COL1A2: variants seen among roughly 807,000 people sequenced by gnomAD.
The protein encoded by COL1A2 is collagen alpha-2(I) chain.
In COL1A2, 49 loss-of-function variants were observed where a neutral mutation model predicts 174.3. The observed-to-expected ratio is 0.28, with a 90% CI of 0.22 to 0.36. COL1A2 has a LOEUF of 0.36. Ranked by LOEUF, COL1A2 falls within the 10% of genes least tolerant of loss-of-function variation. The pLI is 1.00. For missense variants in COL1A2, 1,438 were observed against 1,822.7 expected (o/e 0.79, Z 3.84); for synonymous variants, 655 against 606.6 (o/e 1.08, Z -1.17).
intron 30 of COL1A2, 60 bp downstream of exon 30, chr7:94,415,330 G>A: frequency 6.8e-7 from 1 of 1,469,054 alleles, no homozygotes; most frequent in Middle Eastern, 1.7e-4. Context: ...AAGTAGTAGT[G>A]CTTTCTCCTT....
rs748714040 is a variant in COL1A2 at position 94,430,305 on chromosome 7, G to A, written c.4013G>A (p.Arg1338His). 19 of 1,613,846 alleles carry A rather than the reference G, an allele frequency of 1.2e-5. No homozygotes were observed. The highest frequency in any genetic ancestry group is 2.2e-5 in the East Asian group (1 of 44,886). ...IIEYKTNKPSRLPFLDIAPLD... is the reference protein window; with the variant it reads ...IIEYKTNKPSHLPFLDIAPLD... Reference sequence around the variant, plus strand: ...GAATACAAAACAAATAAGCCATCACGCCTGCCCTTCCTTGATATTGCACCT... The same window carrying A: ...GAATACAAAACAAATAAGCCATCACACCTGCCCTTCCTTGATATTGCACCT... The change falls in exon 52 of 52, where the codon CGC becomes CAC. Residue 1338 changes from arginine to histidine, a missense_variant. Arg to His is a conservative substitution (Grantham distance 29, BLOSUM62 0). Around this residue, in one of 3 missense-constraint regions of COL1A2, gnomAD observed 290 missense variants for 298.1 expected, o/e 0.97. Transcript: ENST00000297268.
At chr7:94,408,907 G>C (rs1295479718) in intron 16 of COL1A2, 84 bp downstream of exon 16, 15 of 1,312,026 alleles carry the variant, frequency 1.1e-5, no homozygotes, top group Non-Finnish European at 1.3e-5. Flanking sequence ...TGCAGATAAA[G>C]AGATAATTAC....
Position 94,426,287 on chromosome 7 carries a change from C to T in COL1A2, c.2998-136C>T, listed in dbSNP as rs41317740. On this transcript the variant is annotated intron_variant, in intron 45 of 51. Coordinates refer to ENST00000297268, the MANE Select transcript of COL1A2 (RefSeq NM_000089.4). ...AGATAGCACAACTAAAGCAGATTAC[C>T]AGCAGAGGTGAGAGCCTAGCTAAAC... The T allele has an allele frequency of 1.0e-4, 93 of 892,902 alleles. No homozygotes were observed. In the African/African-American group the frequency reaches 1.4e-3, roughly 14 times the overall value. The allele number at this position is 892,902 out of a possible 1,614,324, so 55.3% of individuals were successfully genotyped here.
At position 94,420,282 on chromosome 7, in the gene COL1A2, G is replaced by T. The variant is rs1562905091; in HGVS notation, c.2129G>T (p.Ser710Ile). The T allele has an allele frequency of 6.2e-7, 1 of 1,613,924 alleles. No individual in the cohort carries two copies. Among genetic ancestry groups the T allele is most frequent in the Admixed American group, 1.7e-5 (1 of 60,024 alleles). The change falls in exon 35 of 52, where the codon AGC becomes ATC. Residue 710 changes from serine (S) to isoleucine (I), a missense_variant. Around this residue, in one of 3 missense-constraint regions of COL1A2, gnomAD observed 867 missense variants for 1,213.7 expected, o/e 0.71. Transcript: ENST00000297268. ...GPAGPAGPRG[S>I]PGERGEVGPA... is the part of the protein sequence containing the mutation. ...GCTGGTCCTGCTGGTCCTCGGGGAA[G>T]CCCTGTAAGTAAGAACCTGGGTCAT... is the stretch of plus-strand genomic sequence containing the variant.
chr7:94,430,499 G>A lies in COL1A2; in HGVS notation c.*106G>A. On this transcript the variant is annotated 3_prime_UTR_variant, in exon 52 of 52. Transcript: ENST00000297268. ...AAAGCTGAATCCTTCCATTTCTTCT[G>A]CACATCTACTTGCTTAAATTGTGGG... 8.4e-7 allele frequency: 1 copy of A among 1,185,884 alleles called. No homozygotes were observed. The highest frequency in any genetic ancestry group is 2.4e-5 in the East Asian group (1 of 42,036). 73.5% of individuals were successfully genotyped at this position (1,185,884 alleles called of 1,614,324 possible).
intron 16 of COL1A2, 47 bp from the exon 17 acceptor site, chr7:94,409,275 G>C: frequency 6.5e-7 from 1 of 1,527,044 alleles, no homozygotes. Context: ...CAGATATGCT[G>C]TTTCATTATT....
In COL1A2 at chr7:94,421,933, C is replaced by T; in HGVS notation, c.2384C>T (p.Thr795Ile). 1 of 1,614,158 alleles carries T rather than the reference C, an allele frequency of 6.2e-7. No individual in the cohort carries two copies. Among genetic ancestry groups the T allele is most frequent in the Non-Finnish European group, 8.5e-7 (1 of 1,180,022 alleles). The change falls in exon 39 of 52, where the codon ACT (threonine) becomes ATT (isoleucine). Residue 795 changes from threonine to isoleucine, a missense_variant. Physicochemically the swap from Thr to Ile is moderately conservative, Grantham distance 89. This residue lies in a region of COL1A2 where 867 missense variants were observed against 1,213.7 expected (regional missense o/e 0.71). Transcript: ENST00000297268. ...MTGFPGAAGR[T>I]GPPGPSGISG... ...GGTTTCCCTGGTGCTGCTGGACGGA[C>T]TGGTCCCCCAGGACCCTCTGTAAGT...
chr7:94,406,077 G>A (rs1363585900), intron 11 of COL1A2, among the ~76,000 whole-genome samples, 173 bp from the exon 12 acceptor site: 1 of 152,168 alleles, frequency 6.6e-6, no homozygotes, highest in East Asian at 1.9e-4. Flanking sequence ...AAAGTTAAGT[G>A]ACCTATCTAG....
chr7:94,412,581 C>T lies in COL1A2; in HGVS notation c.1405-3C>T, dbSNP rs1021622151. ...AGTAAACTTGAAATAACTCTGCTTT[C>T]AGGGCCTCCCTGGCATCGACGGCAG... is the stretch of plus-strand genomic sequence containing the variant. On this transcript the variant is annotated splice_polypyrimidine_tract_variant and splice_region_variant and intron_variant, in intron 24 of 51. Transcript: ENST00000297268. 1.2e-5 allele frequency: 19 copies of T among 1,612,844 alleles called. No homozygotes were observed. Among genetic ancestry groups the T allele is most frequent in the Non-Finnish European group, 1.5e-5 (18 of 1,179,180 alleles).
intron 51 of COL1A2, chr7:94,429,719 A>C (rs1042110730): frequency 1.8e-5 from 6 of 341,822 alleles, no homozygotes; most frequent in Admixed American, 4.6e-5. Context: ...TTTCTTTAGC[A>C]TGTTTTTTAA....
intron 11 of COL1A2, among the ~76,000 whole-genome samples, chr7:94,405,962 AT>A (rs1379451364): frequency 6.6e-6 from 1 of 152,188 alleles, no homozygotes; most frequent in Non-Finnish European, 1.5e-5. Context: ...TAGAACATGT[AT>A]TACTTATTGA....
At position 94,408,139 on chromosome 7, in the gene COL1A2, T is replaced by A. The variant is rs759912760; in HGVS notation, c.640-44T>A. ...AGCAAATGATGCCTGTGACTTTTTT[T>A]AAATTAGCATTCTGGATTTTATTGA... On this transcript the variant is annotated intron_variant, in intron 13 of 51. Transcript: ENST00000297268. The A allele has an allele frequency of 6.2e-6, 10 of 1,602,542 alleles. No homozygotes were observed. In the East Asian group the frequency reaches 6.7e-5, roughly 11 times the overall value.
At position 94,404,116 on chromosome 7, in the gene COL1A2, T is replaced by C. The variant is rs952930155; in HGVS notation, c.280-440T>C. 3.9e-5 allele frequency among the ~76,000 whole-genome samples: 6 copies of C among 152,218 alleles called. No individual in the cohort carries two copies. The South Asian group carries it at 1.0e-3, about 26-fold the overall frequency. ...AAGAAGGACTTTTGATTCTTTTCAA[T>C]TTATGTCCTTTGTGGCAATAAAAAT... On this transcript the variant is annotated intron_variant, in intron 6 of 51. Transcript: ENST00000297268.
intron 13 of COL1A2, 125 bp from the exon 14 acceptor site, chr7:94,408,058 T>C (rs1791838610): frequency 1.6e-6 from 2 of 1,244,106 alleles, no homozygotes; most frequent in Admixed American, 2.0e-5. Flanking sequence ...TAGTTGGAAT[T>C]AGAAGGCAAC....
chr7:94,404,414 T>G, intron 6 of COL1A2, 142 bp from the exon 7 acceptor site: 1 of 838,870 alleles, frequency 1.2e-6, no homozygotes, highest in Admixed American at 2.0e-5. Context: ...GAAGTTTGAG[T>G]CCTTAAATTC....
At position 94,404,574 on chromosome 7, in the gene COL1A2, G is replaced by A. The variant is rs1410254723; in HGVS notation, c.298G>A (p.Gly100Ser). The change falls in exon 7 of 52, where the codon GGC becomes AGC. Residue 100 changes from glycine (G) to serine (S), a missense_variant. Physicochemically the swap from Gly to Ser is moderately conservative, Grantham distance 56 (BLOSUM62 0). Around this residue, in one of 3 missense-constraint regions of COL1A2, gnomAD observed 281 missense variants for 310.9 expected, o/e 0.90. Transcript: ENST00000297268. ...PGPMGLMGPR[G>S]PPGAAGAPGP... is the part of the protein sequence containing the mutation. ...TTTACAGGGCTTAATGGGACCTAGA[G>A]GCCCACCTGGTGCAGCTGGAGCCCC... The A allele has an allele frequency of 1.2e-6, 2 of 1,613,520 alleles. No individual in the cohort carries two copies. Among genetic ancestry groups the A allele is most frequent in the African/African-American group, 1.3e-5 (1 of 74,910 alleles).
intron 49 of COL1A2, among the ~76,000 whole-genome samples, 182 bp from the exon 50 acceptor site, chr7:94,428,111 T>C (rs1792320668): frequency 6.6e-6 from 1 of 152,164 alleles, no homozygotes; most frequent in African/African-American, 2.4e-5. Context: ...ATTTGATTTT[T>C]CATGGAGGAG....
chr7:94,413,070 A>G lies in COL1A2; in HGVS notation c.1504-13A>G, dbSNP rs1298523043. On this transcript the variant is annotated splice_polypyrimidine_tract_variant and intron_variant, in intron 25 of 51. Transcript: ENST00000297268. ...AAAGCTGTTCTTTGTTTTGTTTTTCATTTTTACTCTAGGGTGATCCTGGCA... is the reference window on the plus strand; with the variant it reads ...AAAGCTGTTCTTTGTTTTGTTTTTCGTTTTTACTCTAGGGTGATCCTGGCA... 5.0e-6 allele frequency: 8 copies of G among 1,613,758 alleles called. No homozygotes were observed. Among genetic ancestry groups the G allele is most frequent in the South Asian group, 3.3e-5 (3 of 91,080 alleles).
chr7:94,421,321 C>A, intron 38 of COL1A2: 4 of 552,262 alleles, frequency 7.2e-6, no homozygotes, highest in Non-Finnish European at 9.7e-6. Flanking sequence ...AAAAAATATT[C>A]CTTTTGGCGT....
Sources: gnomAD v4.1 joint callset for allele counts (sites outside exome capture counted in the v4.1 genomes callset) on GRCh38, gnomAD v4.1.1 for gene constraint, gnomAD v4.1.1 regional missense constraint, MANE v1.5 for transcripts, NCBI Gene and HGNC (gene_info 2026-07-23, HGNC 2026-07-21) for gene names.